The following XXYLT1 variants were observed in gnomAD, a reference collection of about 807,000 sequenced individuals.
The protein encoded by XXYLT1 is xyloside xylosyltransferase 1.
A neutral mutation model predicts 28.9 loss-of-function variants in XXYLT1; 20 were observed. The observed-to-expected ratio is 0.69, with a 90% CI of 0.49 to 1.00. The LOEUF is 1.00. Among genes scored for constraint, XXYLT1 ranks in the 50% least tolerant of loss-of-function variants. The probability of loss-of-function intolerance (pLI) is 0.00; values close to 1 mark genes in which losing one functional copy is unlikely to be tolerated. For missense variants in XXYLT1, 542 were observed against 560.1 expected (o/e 0.97, Z 0.33); for synonymous variants, 257 against 253.8 (o/e 1.01, Z -0.12).
intron 3 of XXYLT1, among the ~76,000 whole-genome samples, chr3:195,088,036 C>A: frequency 6.6e-6 from 1 of 151,700 alleles, no homozygotes; most frequent in Non-Finnish European, 1.5e-5. Context: ...GAGGGTCCTA[C>A]CCCACGGAGT....
chr3:195,246,655 C>A (rs1725034806), intron 1 of XXYLT1, among the ~76,000 whole-genome samples: 1 of 152,186 alleles, frequency 6.6e-6, no homozygotes, highest in Non-Finnish European at 1.5e-5. Flanking sequence ...GAGGAATAAA[C>A]CACAAGGCAG....
intron 2 of XXYLT1, among the ~76,000 whole-genome samples, chr3:195,212,533 C>T (rs567648162): frequency 6.6e-5 from 10 of 152,256 alleles, no homozygotes; most frequent in African/African-American, 2.4e-4. Flanking sequence ...GGTAGGAACC[C>T]GGCCGCACAG....
Position 195,129,852 on chromosome 3 carries a change from G to A in XXYLT1, c.785+26597C>T, listed in dbSNP as rs542425668. ...CTGTACACCTATCTAGGAGTGGAAC[G>A]GCTGGTCAGGGTCACTAAGTTTGTG... is the stretch of plus-strand genomic sequence containing the variant. On this transcript the variant is annotated intron_variant, in intron 3 of 3. Coordinates refer to ENST00000310380, the MANE Select transcript of XXYLT1 (RefSeq NM_152531.5). The surrounding 1 kb of genome is among the most constrained non-coding windows in gnomAD (Gnocchi z 4.4). 5.3e-5 allele frequency among the ~76,000 whole-genome samples: 8 copies of A among 152,192 alleles called. No homozygotes were observed. The South Asian group carries it at 8.3e-4, about 16-fold the overall frequency.
chr3:195,124,111 T>C lies in XXYLT1; in HGVS notation c.785+32338A>G, dbSNP rs1718500505. ...CAAACTTACTTGATCATTACACCCT[T>C]TTCTTCCAGGACACATTCTGGGATT... On this transcript the variant is annotated intron_variant, in intron 3 of 3. Transcript: ENST00000310380. This position sits in a 1 kb window ranked among gnomAD's most constrained non-coding sequence, Gnocchi z 4.1. Among the ~76,000 whole-genome samples the C allele has an allele frequency of 6.6e-6, 1 of 152,220 alleles. No individual in the cohort carries two copies.
At chr3:195,123,986 G>A (rs990582374) in intron 3 of XXYLT1, among the ~76,000 whole-genome samples, 2 of 152,192 alleles carry the variant, frequency 1.3e-5, no homozygotes, top group Non-Finnish European at 2.9e-5. Context: ...AAAAGCTAAC[G>A]CTCAACAAAG....
At chr3:195,223,044 T>C (rs1323468360) in intron 2 of XXYLT1, among the ~76,000 whole-genome samples, 1 of 150,412 alleles carries the variant, frequency 6.6e-6, no homozygotes, top group Non-Finnish European at 1.5e-5. Flanking sequence ...GCCAATATGG[T>C]GAAACCCCAT....
rs199782083 is a variant in XXYLT1 at position 195,069,939 on chromosome 3, C to T, written c.958G>A (p.Asp320Asn). 263 of 1,612,942 alleles carry T rather than the reference C, an allele frequency of 1.6e-4. 1 individual carries two copies. Among genetic ancestry groups the T allele is most frequent in the Middle Eastern group, 5.0e-4 (3 of 6,058 alleles). ...AGGTGGCCGCGGAAGTGGTACTTGTCGGCCAGCTGCTGCACCTGCGCCGGC... is the reference window on the plus strand; with the variant it reads ...AGGTGGCCGCGGAAGTGGTACTTGTTGGCCAGCTGCTGCACCTGCGCCGGC... Reference protein sequence around the residue: ...LEPAQVQQLADKYHFRGHLGD... With the variant: ...LEPAQVQQLANKYHFRGHLGD... The change falls in exon 4 of 4, where the codon GAC becomes AAC. Residue 320 changes from aspartate to asparagine, a missense_variant. Physicochemically the swap from Asp to Asn is conservative, Grantham distance 23. Coordinates refer to ENST00000310380, the MANE Select transcript of XXYLT1 (RefSeq NM_152531.5).
At chr3:195,160,953 C>A (rs529564501) in intron 2 of XXYLT1, among the ~76,000 whole-genome samples, 1 of 152,324 alleles carries the variant, frequency 6.6e-6, no homozygotes, top group South Asian at 2.1e-4. Context: ...CAGGACAAGG[C>A]CCAGCCACAG....
At chr3:195,070,408 C>T (rs1714736730) in intron 3 of XXYLT1, among the ~76,000 whole-genome samples, 1 of 151,966 alleles carries the variant, frequency 6.6e-6, no homozygotes, top group African/African-American at 2.4e-5. Context: ...CCCACACAAC[C>T]CCAGGGGATG....
At chr3:195,113,437 C>T (rs560525643) in intron 3 of XXYLT1, among the ~76,000 whole-genome samples, 61 of 152,172 alleles carry the variant, frequency 4.0e-4, no homozygotes, top group African/African-American at 1.5e-3. Flanking sequence ...TCAGAACATC[C>T]CTGATTAGGT....
chr3:195,103,448 C>T (rs565089909), intron 3 of XXYLT1, among the ~76,000 whole-genome samples: 8 of 152,312 alleles, frequency 5.3e-5, no homozygotes, highest in African/African-American at 1.9e-4. Flanking sequence ...CCCACACCAG[C>T]GGCCTGCGTC....
intron 3 of XXYLT1, among the ~76,000 whole-genome samples, chr3:195,083,777 G>A (rs180958472): frequency 6.6e-6 from 1 of 152,298 alleles, no homozygotes; most frequent in Non-Finnish European, 1.5e-5. Context: ...GCTAATCCCA[G>A]CACTTTGGGA....
chr3:195,258,240 A>G (rs1193501068), intron 1 of XXYLT1, among the ~76,000 whole-genome samples: 3 of 152,156 alleles, frequency 2.0e-5, no homozygotes, highest in African/African-American at 4.8e-5. Context: ...GACCCCACTC[A>G]GGGGGATAGT....
chr3:195,159,874 G>A (rs1047697788), intron 2 of XXYLT1, among the ~76,000 whole-genome samples: 3 of 152,118 alleles, frequency 2.0e-5, no homozygotes, highest in Non-Finnish European at 4.4e-5. Flanking sequence ...GGCGGTGGTG[G>A]ATCTCACATC....
At chr3:195,261,898 A>C (rs1168272065) in intron 1 of XXYLT1, among the ~76,000 whole-genome samples, 1 of 152,122 alleles carries the variant, frequency 6.6e-6, no homozygotes, top group Non-Finnish European at 1.5e-5. Flanking sequence ...AGAAATCAGG[A>C]CCTCCATACA....
At chr3:195,270,485 G>T in intron 1 of XXYLT1, 70 bp downstream of exon 1, 1 of 1,350,374 alleles carries the variant, frequency 7.4e-7, no homozygotes, top group South Asian at 1.8e-5. Flanking sequence ...TCCCCTCCGG[G>T]AGCGCAAACT....
chr3:195,234,521 C>G (rs1401345927), intron 1 of XXYLT1, among the ~76,000 whole-genome samples: 2 of 151,370 alleles, frequency 1.3e-5, no homozygotes, highest in Non-Finnish European at 2.9e-5. Flanking sequence ...GTTTCACCAT[C>G]TTGGCCAGGC....
chr3:195,147,666 C>T (rs532450730), intron 3 of XXYLT1, among the ~76,000 whole-genome samples: 2 of 152,316 alleles, frequency 1.3e-5, no homozygotes, highest in East Asian at 3.9e-4. Flanking sequence ...AGTAATGGGA[C>T]TACAGAGCCT....
chr3:195,248,040 A>G, intron 1 of XXYLT1: 1 of 513,516 alleles, frequency 1.9e-6, no homozygotes, highest in South Asian at 2.5e-5. Flanking sequence ...GCCAAACCTT[A>G]TCAGCCACTT....
Sources: gnomAD v4.1 joint callset for allele counts (sites outside exome capture counted in the v4.1 genomes callset) on GRCh38, gnomAD v4.1.1 for gene constraint, Gnocchi (gnomAD v3.1) non-coding constraint, MANE v1.5 for transcripts, NCBI Gene and HGNC (gene_info 2026-07-23, HGNC 2026-07-21) for gene names.